The following ADAMTS3 variants were observed in gnomAD, a reference collection of about 807,000 sequenced individuals.
The protein encoded by ADAMTS3 is A disintegrin and metalloproteinase with thrombospondin motifs 3.
In ADAMTS3, 73 loss-of-function variants were observed where a neutral mutation model predicts 129.0. The observed-to-expected ratio is 0.57, with a 90% CI of 0.47 to 0.69. The LOEUF (loss-of-function observed/expected upper bound fraction) is 0.69. Among genes scored for constraint, ADAMTS3 ranks in the 30% least tolerant of loss-of-function variants. The pLI is 0.00. For synonymous variants in ADAMTS3, 477 were observed against 510.8 expected (o/e 0.93, Z 0.89); for missense variants, 1,457 against 1,514.5 (o/e 0.96, Z 0.63).
At chr4:72,345,039 T>C (rs1365399517) in intron 4 of ADAMTS3, among the ~76,000 whole-genome samples, 3 of 152,168 alleles carry the variant, frequency 2.0e-5, no homozygotes, top group Non-Finnish European at 4.4e-5. Flanking sequence ...CCTATGAGAA[T>C]GCAAGCCAAT....
chr4:72,373,890 C>A (rs183734521), intron 4 of ADAMTS3, among the ~76,000 whole-genome samples: 1,518 of 146,090 alleles, frequency 0.01, 36 homozygotes, highest in African/African-American at 0.037. Flanking sequence ...TCAGCAAGAC[C>A]CCATCTCAAA....
intron 17 of ADAMTS3, among the ~76,000 whole-genome samples, chr4:72,299,003 G>C (rs1718883240): frequency 6.6e-6 from 1 of 151,130 alleles, no homozygotes; most frequent in Non-Finnish European, 1.5e-5. Flanking sequence ...CCTAACTAGA[G>C]AAAACCAGTC....
chr4:72,283,486 C>T lies in ADAMTS3; in HGVS notation c.3268G>A (p.Val1090Ile). ...PRSLVMPTSL[V>I]PYHSETPAKK... is the part of the protein sequence containing the mutation. ...GCAGGGGTCTCTGAATGATAAGGAACCAAAGATGTAGGCATCACTAGAGAT... is the reference window on the plus strand; with the variant it reads ...GCAGGGGTCTCTGAATGATAAGGAATCAAAGATGTAGGCATCACTAGAGAT... Residue 1090 changes from valine to isoleucine, a missense_variant, in exon 22 of 22, where the codon GTT (valine) becomes ATT (isoleucine). By Grantham distance (29) the Val-to-Ile change is conservative. Transcript: ENST00000286657. 6.2e-7 allele frequency: 1 copy of T among 1,613,974 alleles called. No homozygotes were observed. Among genetic ancestry groups the T allele is most frequent in the African/African-American group, 1.3e-5 (1 of 75,008 alleles).
chr4:72,445,144 C>A (rs1207418575), intron 3 of ADAMTS3, among the ~76,000 whole-genome samples: 2 of 151,588 alleles, frequency 1.3e-5, no homozygotes, highest in Non-Finnish European at 3.0e-5. Flanking sequence ...ACTGCACACC[C>A]CAAATGCACT....
intron 3 of ADAMTS3, among the ~76,000 whole-genome samples, chr4:72,518,415 C>A (rs551486542): frequency 4.1e-4 from 62 of 152,262 alleles, no homozygotes; most frequent in African/African-American, 1.3e-3. Flanking sequence ...TCTCGTAGAT[C>A]TGTCTAATGT....
At chr4:72,419,258 T>C (rs1722383281) in intron 3 of ADAMTS3, among the ~76,000 whole-genome samples, 1 of 152,180 alleles carries the variant, frequency 6.6e-6, no homozygotes, top group Non-Finnish European at 1.5e-5. Context: ...TGTGGAACTG[T>C]TAGCTACTAA....
chr4:72,471,607 C>T (rs1719075609), intron 3 of ADAMTS3, among the ~76,000 whole-genome samples: 3 of 151,792 alleles, frequency 2.0e-5, no homozygotes, highest in Admixed American at 6.6e-5. Context: ...ATTAAAAATG[C>T]AAAAGCAGAT....
At chr4:72,460,866 T>C (rs1294777027) in intron 3 of ADAMTS3, among the ~76,000 whole-genome samples, 5 of 151,740 alleles carry the variant, frequency 3.3e-5, no homozygotes, top group African/African-American at 1.2e-4. Context: ...AAATTTCTTT[T>C]TGGGAATTCA....
At position 72,283,372 on chromosome 4, in the gene ADAMTS3, T is replaced by C; in HGVS notation, c.3382A>G (p.Asn1128Asp). Residue 1128 changes from asparagine to aspartate, a missense_variant, in exon 22 of 22, where the codon AAT becomes GAT. By Grantham distance (23) the Asn-to-Asp change is conservative. Coordinates refer to ENST00000286657, the MANE Select transcript of ADAMTS3 (RefSeq NM_014243.3). The part of the protein sequence containing the change: ...FRPNSKPDGA[N>D]LRQRSAQQAG... The stretch of plus-strand genomic sequence containing the variant: ...TGCTGAGCACTCCTCTGGCGTAAAT[T>C]AGCACCATCAGGTTTACTGTTTGGC... The C allele has an allele frequency of 6.2e-7, 1 of 1,613,500 alleles. No individual in the cohort carries two copies. Among genetic ancestry groups the C allele is most frequent in the Non-Finnish European group, 8.5e-7 (1 of 1,179,532 alleles).
In ADAMTS3 at chr4:72,312,564, G is replaced by A. The variant is rs1719271723; in HGVS notation, c.1746-98C>T. The A allele has an allele frequency of 5.1e-6, 6 of 1,183,296 alleles. No homozygotes were observed. In the East Asian group the frequency reaches 1.5e-4, roughly 30 times the overall value. 73.3% of individuals were successfully genotyped at this position (1,183,296 alleles called of 1,614,324 possible). On this transcript the variant is annotated intron_variant, in intron 12 of 21. Transcript: ENST00000286657. ...TGAGGGCACAAAGCCAAAGTTTCTG[G>A]GCTGCCAGCACAAAGTGAATGAACT...
chr4:72,386,653 C>G (rs1721456715), intron 4 of ADAMTS3, among the ~76,000 whole-genome samples: 1 of 152,102 alleles, frequency 6.6e-6, no homozygotes, highest in Non-Finnish European at 1.5e-5. Flanking sequence ...GACAAACACA[C>G]AGAGCACCAT....
At chr4:72,435,170 C>G (rs1722790499) in intron 3 of ADAMTS3, among the ~76,000 whole-genome samples, 1 of 151,714 alleles carries the variant, frequency 6.6e-6, no homozygotes, top group Admixed American at 6.6e-5. Flanking sequence ...AAACAGACCT[C>G]AAAAAAGACA....
At chr4:72,555,061 T>A (rs996537260) in intron 2 of ADAMTS3, among the ~76,000 whole-genome samples, 1 of 151,756 alleles carries the variant, frequency 6.6e-6, no homozygotes, top group Non-Finnish European at 1.5e-5. Flanking sequence ...CTAACTAGCC[T>A]CAGTAGCTCA....
chr4:72,545,976 CAT>C (rs1338205372), intron 3 of ADAMTS3, among the ~76,000 whole-genome samples: 2 of 152,178 alleles, frequency 1.3e-5, no homozygotes, highest in African/African-American at 2.4e-5. Flanking sequence ...CATATTGGCT[CAT>C]ATTTTTTAAG....
intron 4 of ADAMTS3, among the ~76,000 whole-genome samples, chr4:72,400,387 C>T (rs1169719603): frequency 7.9e-6 from 1 of 125,940 alleles, no homozygotes; most frequent in African/African-American, 3.0e-5. Context: ...TGTATATATA[C>T]GTGTGCATAG....
intron 5 of ADAMTS3, among the ~76,000 whole-genome samples, chr4:72,327,238 TATC>T (rs2109816355): frequency 6.6e-6 from 1 of 152,276 alleles, no homozygotes; most frequent in African/African-American, 2.4e-5. Context: ...ACTAAAAGGA[TATC>T]ATACTAAATT....
rs1332888404 is a variant in ADAMTS3, at chr4:72,550,090, A to G, written c.98-1206T>C. Reference sequence around the variant, plus strand: ...AAGAGGAAGAGGAAGAGGAAGAAGAAGAAGAAGAAGAAGAAGAAGAAGAAG... The same window carrying G: ...AAGAGGAAGAGGAAGAGGAAGAAGAGGAAGAAGAAGAAGAAGAAGAAGAAG... On this transcript the variant is annotated intron_variant, in intron 2 of 21. Coordinates refer to ENST00000286657, the MANE Select transcript of ADAMTS3 (RefSeq NM_014243.3). 7.3e-5 allele frequency among the ~76,000 whole-genome samples: 9 copies of G among 123,934 alleles called. 1 individual carries two copies. The highest frequency in any genetic ancestry group is 5.0e-4 in the Admixed American group (6 of 12,080). The allele number at this position is 123,934 out of a possible 152,430, so 81.3% of individuals were successfully genotyped here.
At chr4:72,458,174 G>T (rs1431281049) in intron 3 of ADAMTS3, among the ~76,000 whole-genome samples, 2 of 151,538 alleles carry the variant, frequency 1.3e-5, no homozygotes, top group Non-Finnish European at 3.0e-5. Context: ...AAGGAAGACA[G>T]AACTCTAGGA....
chr4:72,418,285 C>T (rs1477499873), intron 3 of ADAMTS3, among the ~76,000 whole-genome samples: 1 of 152,128 alleles, frequency 6.6e-6, no homozygotes, highest in Non-Finnish European at 1.5e-5. Flanking sequence ...TTACTGTCCA[C>T]ATGATCTACA....
Sources: allele counts gnomAD v4.1 joint callset (sites outside exome capture counted in the v4.1 genomes callset), GRCh38; gene constraint gnomAD v4.1.1; transcripts MANE v1.5; gene names NCBI Gene and HGNC (gene_info 2026-07-23, HGNC 2026-07-21).